Variants in TLE5 observed in about 807,000 individuals in gnomAD.
The protein encoded by TLE5 is TLE family member 5, transcriptional modulator, also known as TLE family member 5.
Under a neutral mutation model 25.8 loss-of-function variants are expected in TLE5, and 7 were observed. The observed-to-expected ratio is 0.27, with a 90% confidence interval of 0.15 to 0.51. The LOEUF (loss-of-function observed/expected upper bound fraction) is 0.51. TLE5 is among the 20% of genes least tolerant of loss of function. The probability of loss-of-function intolerance (pLI) is 0.97; values close to 1 mark genes in which losing one functional copy is unlikely to be tolerated. For missense variants in TLE5, 149 were observed against 250.7 expected, an observed-to-expected ratio of 0.59 and a Z score of 2.74; for synonymous variants, 132 against 110.5, an observed-to-expected ratio of 1.20 and a Z score of -1.22.
At position 3,053,683 on chromosome 19, in the gene TLE5, G is replaced by A. The variant is rs1419791562; in HGVS notation, c.*136C>T. Reference sequence around the variant, plus strand: ...GCCTGCAAGCTGGGCTGGGGCCCCCGCCGGCGGCCACCATAAATACTATGG... The same window carrying A: ...GCCTGCAAGCTGGGCTGGGGCCCCCACCGGCGGCCACCATAAATACTATGG... On this transcript the variant is annotated 3_prime_UTR_variant, in exon 7 of 7. Coordinates refer to ENST00000327141, the MANE Select transcript of TLE5 (RefSeq NM_001130.6). 36 of 1,041,080 alleles carry A rather than the reference G, an allele frequency of 3.5e-5. No individual in the cohort carries two copies. Among genetic ancestry groups the A allele is most frequent in the Non-Finnish European group, 4.1e-5 (30 of 736,130 alleles). The allele number at this position is 1,041,080 out of a possible 1,614,324, so 64.5% of individuals were successfully genotyped here.
Position 3,053,607 on chromosome 19 carries a change from C to G in TLE5, c.*212G>C. On this transcript the variant is annotated 3_prime_UTR_variant, in exon 7 of 7. Coordinates refer to ENST00000327141, the MANE Select transcript of TLE5 (RefSeq NM_001130.6). ...GGCAGGTATCCACCTAACCAGGCTG[C>G]AGGGGAGGAGGAGGGAAGCCGGGAA... The G allele has an allele frequency of 1.6e-6, 1 of 607,878 alleles. No homozygotes were observed. The highest frequency in any genetic ancestry group is 2.9e-6 in the Non-Finnish European group (1 of 345,848). 37.7% of individuals were successfully genotyped at this position (607,878 alleles called of 1,614,324 possible). A position where few individuals can be genotyped will look rare whatever the true frequency, so the allele number is the denominator to read the frequency against.
At chr19:3,056,291 A>G in intron 4 of TLE5, 21 bp downstream of exon 4, 1 of 1,451,508 alleles carries the variant, frequency 6.9e-7, no homozygotes, top group Non-Finnish European at 9.2e-7. Context: ...GAGGAGGAGG[A>G]GGAGGAGGAG....
intron 5 of TLE5, 138 bp from the exon 6 acceptor site, chr19:3,054,332 C>T: frequency 1.3e-6 from 1 of 779,508 alleles, no homozygotes; most frequent in Non-Finnish European, 2.1e-6. Context: ...GTTTTCAACC[C>T]CATCAGAAAG....
chr19:3,054,086 T>TCGGGGGGGGGGGGGCGCCCCCCCCCCCCC, intron 6 of TLE5, 34 bp downstream of exon 6: 1 of 1,512,818 alleles, frequency 6.6e-7, no homozygotes, highest in Non-Finnish European at 8.9e-7. Flanking sequence ...GGCCCACCTG[T>TCGGGGGGGGGGGGGCGCCCCCCCCCCCCC]CCCCCGCCCA....
chr19:3,062,082 G>A (rs1397685409), intron 1 of TLE5, 92 bp downstream of exon 1: 3 of 639,256 alleles, frequency 4.7e-6, no homozygotes, highest in African/African-American at 4.0e-5. Flanking sequence ...CACCGGGCCT[G>A]GGGGTTGGGG....
rs2090186398 is a variant in TLE5 at position 3,052,972 on chromosome 19, A to C, written c.*847T>G. On this transcript the variant is annotated 3_prime_UTR_variant, in exon 7 of 7. Transcript: ENST00000327141. ...GCCCACCCTTGATACAGCATTTTCC[A>C]CTTCTCTCTGTAGAGATCAGACGAT... 8 of 151,964 alleles carry C rather than the reference A, an allele frequency of 5.3e-5. No homozygotes were observed. Among genetic ancestry groups the C allele is most frequent in the Admixed American group, 5.2e-4 (8 of 15,256 alleles). 9.4% of individuals were successfully genotyped at this position (151,964 alleles called of 1,614,324 possible). A position where few individuals can be genotyped will look rare whatever the true frequency, so the allele number is the denominator to read the frequency against.
chr19:3,055,421 A>G, intron 5 of TLE5: 2 of 372,472 alleles, frequency 5.4e-6, no homozygotes, highest in Non-Finnish European at 4.8e-6. Flanking sequence ...GACATGACTC[A>G]CTCCAGCTGG....
At chr19:3,062,844 GT>G (rs2090284554), upstream of TLE5, 12 of 1,536,202 alleles carry the variant, frequency 7.8e-6, no homozygotes, top group Non-Finnish European at 1.1e-5. Flanking sequence ...CTGGGCGGTG[GT>G]TCTTGCTGAG....
intron 5 of TLE5, 167 bp downstream of exon 5, chr19:3,055,497 G>T: frequency 2.1e-6 from 1 of 474,424 alleles, no homozygotes; most frequent in East Asian, 3.5e-5. Context: ...TCTGGCCCGG[G>T]GATTCTTCTG....
At chr19:3,062,906 GGAA>G (rs1568267607), upstream of TLE5, 4 of 1,162,456 alleles carry the variant, frequency 3.4e-6, no homozygotes, top group Non-Finnish European at 5.0e-6. Context: ...CCTTCCTGAG[GGAA>G]GCCATTCTTG....
intron 2 of TLE5, 137 bp from the exon 3 acceptor site, chr19:3,057,879 G>GCAATA: frequency 1.3e-6 from 1 of 768,172 alleles, no homozygotes; most frequent in Admixed American, 2.5e-5. Flanking sequence ...AGAGGGTCAA[G>GCAATA]CAATAATTTT....
intron 2 of TLE5, among the ~76,000 whole-genome samples, chr19:3,059,803 C>G (rs2090249783): frequency 6.6e-6 from 1 of 152,166 alleles, no homozygotes; most frequent in Admixed American, 6.5e-5. Flanking sequence ...CGGGGCTCAC[C>G]AGGCGGTATC....
chr19:3,060,770 T>G (rs902056577), intron 2 of TLE5, among the ~76,000 whole-genome samples: 23 of 152,098 alleles, frequency 1.5e-4, no homozygotes, highest in African/African-American at 5.3e-4. Flanking sequence ...TGGGAACCCT[T>G]TCTCCAAAAC....
At chr19:3,062,715 G>A, upstream of TLE5, 8 of 1,523,022 alleles carry the variant, frequency 5.3e-6, no homozygotes, top group Non-Finnish European at 7.0e-6. Context: ...AGCCGGCCGG[G>A]CCTCGGTTTC....
chr19:3,053,825 C>T lies in TLE5; in HGVS notation c.588G>A (p.Ser196=), dbSNP rs376230542. ...TCCCTGTCCCGGCCCCCTGCTAATC[C>T]GACTTCTCGCCATCATCCTCCTGGT... ...DTHQEDDGEK[S]D is the part of the protein sequence containing the mutation. Residue 196 remains serine, a synonymous_variant, in exon 7 of 7, where the codon TCG becomes TCA. Transcript: ENST00000327141. The T allele has an allele frequency of 1.5e-5, 25 of 1,613,058 alleles. No homozygotes were observed. The African/African-American group carries it at 2.0e-4, about 13-fold the overall frequency.
At position 3,053,612 on chromosome 19, in the gene TLE5, G is replaced by A; in HGVS notation, c.*207C>T. ...GTATCCACCTAACCAGGCTGCAGGG[G>A]AGGAGGAGGGAAGCCGGGAATGGGG... On this transcript the variant is annotated 3_prime_UTR_variant, in exon 7 of 7. Coordinates refer to ENST00000327141, the MANE Select transcript of TLE5 (RefSeq NM_001130.6). The A allele has an allele frequency of 3.3e-6, 2 of 610,672 alleles. No individual in the cohort carries two copies. The highest frequency in any genetic ancestry group is 5.7e-6 in the Non-Finnish European group (2 of 348,222). The allele number at this position is 610,672 out of a possible 1,614,324, so 37.8% of individuals were successfully genotyped here.
intron 2 of TLE5, among the ~76,000 whole-genome samples, chr19:3,059,436 C>T (rs1048252490): frequency 6.6e-6 from 1 of 152,148 alleles, no homozygotes; most frequent in African/African-American, 2.4e-5. Flanking sequence ...ACAGAAGAAT[C>T]GCTTGAATCC....
In TLE5 at chr19:3,057,649, A is replaced by G. The variant is rs375824445; in HGVS notation, c.189+30T>C. ...TGGAGGGCCCTGTCGCCCGCCCCCA[A>G]CACTGGACCTGGGGGCGGAGTGACG... On this transcript the variant is annotated intron_variant, in intron 3 of 6. Coordinates refer to ENST00000327141, the MANE Select transcript of TLE5 (RefSeq NM_001130.6). 112 of 1,608,288 alleles carry G rather than the reference A, an allele frequency of 7.0e-5. No individual in the cohort carries two copies. The African/African-American group carries it at 1.3e-3, about 19-fold the overall frequency.
chr19:3,055,914 G>C (rs1236869454), intron 4 of TLE5, 188 bp from the exon 5 acceptor site: 2 of 572,776 alleles, frequency 3.5e-6, no homozygotes, highest in Non-Finnish European at 6.0e-6. Context: ...GGCAAAGGTG[G>C]GGCTGGACAC....
Sources: gnomAD v4.1 joint callset for allele counts (sites outside exome capture counted in the v4.1 genomes callset) on GRCh38, gnomAD v4.1.1 for gene constraint, MANE v1.5 for transcripts, NCBI Gene and HGNC (gene_info 2026-07-23, HGNC 2026-07-21) for gene names.